SCN3A: variants seen among roughly 807,000 people sequenced by gnomAD.
SCN3A encodes the protein sodium channel protein type 3 subunit alpha.
Under a neutral mutation model 187.6 loss-of-function variants are expected in SCN3A, and 60 were observed. The ratio of observed to expected loss-of-function variants is 0.32; its 90% CI spans 0.26 to 0.40. SCN3A has a LOEUF of 0.40. Among genes scored for constraint, SCN3A ranks in the 10% least tolerant of loss-of-function variants. The pLI is 1.00. For missense variants in SCN3A, 1,601 were observed against 2,428.2 expected (o/e 0.66, Z 7.16); for synonymous variants, 788 against 829.2 (o/e 0.95, Z 0.85).
intron 18 of SCN3A, among the ~76,000 whole-genome samples, chr2:165,124,314 TGA>T (rs1246936435): frequency 1.2e-4 from 18 of 152,258 alleles, no homozygotes; most frequent in Admixed American, 1.1e-3. Context: ...GTGGTCATTA[TGA>T]AATTTTAAAA....
chr2:165,175,906 T>A (rs1690421214), intron 3 of SCN3A, among the ~76,000 whole-genome samples: 1 of 152,208 alleles, frequency 6.6e-6, no homozygotes, highest in Non-Finnish European at 1.5e-5. Context: ...TGTGAAATTG[T>A]AGAAATCATT....
intron 18 of SCN3A, among the ~76,000 whole-genome samples, chr2:165,127,364 A>G (rs1306736758): frequency 6.6e-6 from 1 of 152,118 alleles, no homozygotes; most frequent in Non-Finnish European, 1.5e-5. Context: ...CCCAGCCTAA[A>G]AGGCCACATT....
At chr2:165,129,895 G>A in intron 17 of SCN3A, 45 bp downstream of exon 17, 1 of 1,611,016 alleles carries the variant, frequency 6.2e-7, no homozygotes, top group Non-Finnish European at 8.5e-7. Context: ...CCTAGCTACT[G>A]TCTGCTCTTG....
intron 21 of SCN3A, among the ~76,000 whole-genome samples, chr2:165,110,087 G>A (rs968473656): frequency 6.6e-6 from 1 of 151,960 alleles, no homozygotes; most frequent in African/African-American, 2.4e-5. Flanking sequence ...CCCTCCCTCC[G>A]CTTCCCCAAA....
At chr2:165,164,337 TG>T (rs1689602925) in intron 6 of SCN3A, 54 bp downstream of exon 6, 2 of 1,610,142 alleles carry the variant, frequency 1.2e-6, no homozygotes, top group Non-Finnish European at 1.7e-6. Context: ...AGACCTTGTT[TG>T]TACTATGACT....
At chr2:165,126,586 C>A (rs1687007298) in intron 18 of SCN3A, among the ~76,000 whole-genome samples, 2 of 110,670 alleles carry the variant, frequency 1.8e-5, no homozygotes, top group East Asian at 3.1e-4. Context: ...CTCCCTCCCT[C>A]CCTCCCTCCC....
intron 2 of SCN3A, among the ~76,000 whole-genome samples, chr2:165,181,344 A>G (rs991853030): frequency 1.3e-5 from 2 of 152,248 alleles, no homozygotes; most frequent in African/African-American, 4.8e-5. Context: ...CAAAAGCCAT[A>G]TCAATGAACT....
At chr2:165,116,617 T>A (rs1686379459) in intron 18 of SCN3A, among the ~76,000 whole-genome samples, 1 of 152,124 alleles carries the variant, frequency 6.6e-6, no homozygotes, top group Non-Finnish European at 1.5e-5. Flanking sequence ...AGAGTTACTG[T>A]GTTATTTTTA....
In SCN3A at chr2:165,157,478, C is replaced by T. The variant is rs142476832; in HGVS notation, c.1032-1575G>A. ...GACTACAGAGGTAAAATGTCACTGTCATCACATCACATCATGCCAAGGGTA... is the reference window on the plus strand; with the variant it reads ...GACTACAGAGGTAAAATGTCACTGTTATCACATCACATCATGCCAAGGGTA... On this transcript the variant is annotated intron_variant, in intron 9 of 27. Transcript: ENST00000283254. Among the ~76,000 whole-genome samples the T allele has an allele frequency of 4.6e-5, 7 of 152,300 alleles. No homozygotes were observed. In the East Asian group the frequency reaches 1.2e-3, roughly 25 times the overall value.
chr2:165,166,492 A>T (rs1689765411), intron 5 of SCN3A, among the ~76,000 whole-genome samples: 1 of 152,146 alleles, frequency 6.6e-6, no homozygotes, highest in African/African-American at 2.4e-5. Context: ...TTTTAAGTAT[A>T]TTGGTTTAAA....
At position 165,140,231 on chromosome 2, in the gene SCN3A, C is replaced by G. The variant is rs557239180; in HGVS notation, c.2019+420G>C. Among the ~76,000 whole-genome samples, 1 of 152,110 alleles carries G rather than the reference C, an allele frequency of 6.6e-6. No individual in the cohort carries two copies. Among genetic ancestry groups the G allele is most frequent in the East Asian group, 1.9e-4 (1 of 5,174 alleles). On this transcript the variant is annotated intron_variant, in intron 13 of 27. Transcript: ENST00000283254. This position sits in a 1 kb window ranked among gnomAD's most constrained non-coding sequence, Gnocchi z 4.2. Reference sequence around the variant, plus strand: ...ACAGTTGTATGAAATTGCCCATTATCAACAAATTGGTTATAATATTTAATT... The same window carrying G: ...ACAGTTGTATGAAATTGCCCATTATGAACAAATTGGTTATAATATTTAATT...
intron 16 of SCN3A, among the ~76,000 whole-genome samples, chr2:165,130,648 G>T (rs1687256924): frequency 6.6e-6 from 1 of 151,594 alleles, no homozygotes; most frequent in Admixed American, 6.6e-5. Flanking sequence ...ACAGTAAAAA[G>T]AAATATTAAA....
chr2:165,194,116 TAA>T (rs1691785334), intron 1 of SCN3A, among the ~76,000 whole-genome samples: 1 of 152,050 alleles, frequency 6.6e-6, no homozygotes, highest in Non-Finnish European at 1.5e-5. Context: ...AATGAAAAGA[TAA>T]GAGAGAGGAA....
At chr2:165,168,860 T>C in intron 4 of SCN3A, 35 bp from the exon 5 acceptor site, 1 of 1,411,020 alleles carries the variant, frequency 7.1e-7, no homozygotes, top group Non-Finnish European at 1.0e-6. Flanking sequence ...GTTAGTAGGT[T>C]ACCATGGCCA....
At chr2:165,177,487 A>G (rs1690540885) in intron 2 of SCN3A, among the ~76,000 whole-genome samples, 1 of 152,214 alleles carries the variant, frequency 6.6e-6, no homozygotes, top group Admixed American at 6.5e-5. Flanking sequence ...TATCATAATT[A>G]AATTATCTTC....
intron 21 of SCN3A, among the ~76,000 whole-genome samples, chr2:165,110,722 C>G (rs1443222810): frequency 6.6e-6 from 1 of 152,132 alleles, no homozygotes; most frequent in Non-Finnish European, 1.5e-5. Flanking sequence ...AGAAAATAGA[C>G]CCATTTAAGA....
At chr2:165,194,764 C>T (rs1691838264) in intron 1 of SCN3A, 1 of 151,776 alleles carries the variant, frequency 6.6e-6, no homozygotes, top group Non-Finnish European at 1.5e-5. Context: ...GTCTGGTTTT[C>T]AGTGAAATAT....
In SCN3A at chr2:165,164,504, T is replaced by G. The variant is rs758716431; in HGVS notation, c.490A>C (p.Ile164Leu). Residue 164 changes from isoleucine to leucine, a missense_variant, in exon 6 of 28, where the codon ATC (isoleucine) becomes CTC (leucine). By Grantham distance (5) the Ile-to-Leu change is conservative. Coordinates refer to ENST00000283254, the MANE Select transcript of SCN3A (RefSeq NM_006922.4). ...TTTATAAGTGACTCAAAGGTATAGATTCCAGTGAATGTGTACCTAGGAAAA... is the reference window on the plus strand; with the variant it reads ...TTTATAAGTGACTCAAAGGTATAGAGTCCAGTGAATGTGTACCTAGGAAAA... ...TKNVEYTFTGIYTFESLIKIL... is the reference protein window; with the variant it reads ...TKNVEYTFTGLYTFESLIKIL... 6.2e-7 allele frequency: 1 copy of G among 1,613,746 alleles called. No individual in the cohort carries two copies. The highest frequency in any genetic ancestry group is 1.1e-5 in the South Asian group (1 of 91,072).
intron 21 of SCN3A, among the ~76,000 whole-genome samples, chr2:165,111,910 AT>A (rs1686137311): frequency 6.6e-6 from 1 of 152,202 alleles, no homozygotes; most frequent in Admixed American, 6.5e-5. Context: ...GGTTAAACAC[AT>A]TTTGGTTATA....
Sources: allele counts gnomAD v4.1 joint callset (sites outside exome capture counted in the v4.1 genomes callset), GRCh38; gene constraint gnomAD v4.1.1; non-coding constraint Gnocchi (gnomAD v3.1); transcripts MANE v1.5; gene names NCBI Gene and HGNC (gene_info 2026-07-23, HGNC 2026-07-21).